The following CDKN2B-AS1 variants were observed in gnomAD, a reference collection of about 807,000 sequenced individuals.
CDKN2B-AS1 encodes CDKN2B and CDKN2A antisense cis and trans regulatory RNA 1.
chr9:22,089,933 C>G (rs796369282), intron 4 of CDKN2B-AS1, among the ~76,000 whole-genome samples: 2 of 151,634 alleles, frequency 1.3e-5, no homozygotes, highest in African/African-American at 4.8e-5. Context: ...CCCAGTAACT[C>G]GTCATTTAAT....
intron 1 of CDKN2B-AS1, among the ~76,000 whole-genome samples, chr9:21,998,452 C>T (rs996198064): frequency 2.0e-5 from 3 of 152,198 alleles, no homozygotes; most frequent in African/African-American, 7.2e-5. Context: ...CCAGCAAGAG[C>T]CAGGGCTGGA....
In CDKN2B-AS1 at chr9:22,045,424, T is replaced by C. The variant is rs142873001; in HGVS notation, n.30-1327T>C. ...GAATTTTACTCCTCTGGTTTTCTCA[T>C]CCAGCACATCATCACTATAACCCTT... On this transcript the variant is annotated intron_variant and non_coding_transcript_variant, in intron 1 of 4. Coordinates refer to ENST00000650946, the Ensembl canonical transcript of CDKN2B-AS1. 2.0e-4 allele frequency among the ~76,000 whole-genome samples: 30 copies of C among 152,204 alleles called. No individual in the cohort carries two copies. In the Middle Eastern group the frequency reaches 0.027, roughly 138 times the overall value.
chr9:22,094,916 G>A lies in CDKN2B-AS1; in HGVS notation n.439-32187G>A, dbSNP rs184324504. 4.4e-4 allele frequency among the ~76,000 whole-genome samples: 63 copies of A among 144,394 alleles called. 7 individuals are homozygous for A. Among genetic ancestry groups the A allele is most frequent in the Admixed American group, 4.0e-3 (60 of 14,924 alleles). The allele number at this position is 144,394 out of a possible 152,430, so 94.7% of individuals were successfully genotyped here. ...GATTTTTAGAGTTTCCAGTTTTTCT[G>A]CTCTGTTTTTTCCCATCTTTGTGGT... On this transcript the variant is annotated intron_variant and non_coding_transcript_variant, in intron 4 of 4. Coordinates refer to ENST00000650946, the Ensembl canonical transcript of CDKN2B-AS1.
chr9:22,033,383 A>C (rs965264805), intron 1 of CDKN2B-AS1, among the ~76,000 whole-genome samples: 2 of 152,164 alleles, frequency 1.3e-5, no homozygotes, highest in African/African-American at 4.8e-5. Context: ...AATTTGAATC[A>C]CAATTTCCTC....
At chr9:22,022,974 AG>A (rs1234610297) in intron 1 of CDKN2B-AS1, among the ~76,000 whole-genome samples, 1 of 152,192 alleles carries the variant, frequency 6.6e-6, no homozygotes, top group Non-Finnish European at 1.5e-5. Context: ...TCTGGCTTGT[AG>A]GGTTTCAGCT....
chr9:22,116,787 C>G (rs1587551170), intron 4 of CDKN2B-AS1, among the ~76,000 whole-genome samples: 1 of 152,190 alleles, frequency 6.6e-6, no homozygotes. Flanking sequence ...GGTTACCATT[C>G]TAATGACAGT....
chr9:22,118,234 C>G (rs568812099), intron 4 of CDKN2B-AS1: 7 of 152,122 alleles, frequency 4.6e-5, no homozygotes, highest in Admixed American at 2.0e-4. Context: ...CACTCTTATG[C>G]TAACATGTAC....
intron 4 of CDKN2B-AS1, among the ~76,000 whole-genome samples, chr9:22,116,674 A>G (rs1825956942): frequency 6.6e-6 from 1 of 152,172 alleles, no homozygotes; most frequent in Admixed American, 6.5e-5. Flanking sequence ...GGAGGGACAG[A>G]GACAAAGCCA....
intron 4 of CDKN2B-AS1, among the ~76,000 whole-genome samples, chr9:22,066,867 A>G (rs1217322378): frequency 3.3e-5 from 5 of 152,112 alleles, no homozygotes; most frequent in Non-Finnish European, 7.3e-5. Context: ...TATATACACC[A>G]TGGAATACTA....
chr9:22,098,749 A>G (rs529470998), intron 4 of CDKN2B-AS1, among the ~76,000 whole-genome samples: 1 of 152,292 alleles, frequency 6.6e-6, no homozygotes, highest in Admixed American at 6.5e-5. Context: ...AAGATCAGAG[A>G]GTTAGAAATG....
intron 1 of CDKN2B-AS1, among the ~76,000 whole-genome samples, chr9:22,013,606 C>A (rs1271128367): frequency 1.3e-5 from 2 of 152,076 alleles, no homozygotes; most frequent in African/African-American, 4.8e-5. Flanking sequence ...TGTTGGCCAC[C>A]ATGACTGGCT....
intron 1 of CDKN2B-AS1, chr9:22,009,222 A>G: frequency 3.4e-6 from 2 of 586,168 alleles, no homozygotes; most frequent in South Asian, 4.0e-5. Context: ...CCTAGCGCGG[A>G]CGCAGCCGAG....
At chr9:22,063,271 G>A (rs921363993) in intron 4 of CDKN2B-AS1, among the ~76,000 whole-genome samples, 3 of 152,032 alleles carry the variant, frequency 2.0e-5, no homozygotes, top group Non-Finnish European at 2.9e-5. Context: ...AGGGGATGGA[G>A]GATTCTTCAC....
At chr9:22,110,781 TC>T (rs1260440494) in intron 4 of CDKN2B-AS1, among the ~76,000 whole-genome samples, 1 of 152,130 alleles carries the variant, frequency 6.6e-6, no homozygotes, top group African/African-American at 2.4e-5. Context: ...CCCAATCTCA[TC>T]CCGCTCCTAC....
chr9:22,055,518 G>A (rs1823523018), intron 3 of CDKN2B-AS1, among the ~76,000 whole-genome samples: 1 of 152,132 alleles, frequency 6.6e-6, no homozygotes, highest in Non-Finnish European at 1.5e-5. Context: ...AGGATAAGTA[G>A]TTTTGCCAGC....
chr9:22,103,841 A>G (rs2131359331), intron 4 of CDKN2B-AS1, among the ~76,000 whole-genome samples: 1 of 152,348 alleles, frequency 6.6e-6, no homozygotes, highest in East Asian at 1.9e-4. Flanking sequence ...CTGGCTATTG[A>G]AATAAAAATG....
intron 1 of CDKN2B-AS1, chr9:22,003,059 G>T (rs1587374331): frequency 4.7e-6 from 1 of 212,504 alleles, no homozygotes; most frequent in East Asian, 7.1e-5. Flanking sequence ...CTAGAAGCAG[G>T]ACTCATGAAA....
At chr9:22,050,896 A>T (rs1162917291) in intron 3 of CDKN2B-AS1, among the ~76,000 whole-genome samples, 1 of 152,184 alleles carries the variant, frequency 6.6e-6, no homozygotes, top group Non-Finnish European at 1.5e-5. Flanking sequence ...GAAGAGTCTG[A>T]TCAGCTCTGA....
At chr9:22,090,220 T>C (rs1825028337) in intron 4 of CDKN2B-AS1, among the ~76,000 whole-genome samples, 1 of 152,122 alleles carries the variant, frequency 6.6e-6, no homozygotes, top group Admixed American at 6.5e-5. Flanking sequence ...CTTAATCCAC[T>C]CTATCATTGT....
Sources: allele counts gnomAD v4.1 joint callset (sites outside exome capture counted in the v4.1 genomes callset), GRCh38; gene constraint gnomAD v4.1.1; transcripts MANE v1.5; gene names NCBI Gene and HGNC (gene_info 2026-07-23, HGNC 2026-07-21).